The following STX11 variants were observed in gnomAD, a reference collection of about 807,000 sequenced individuals.
STX11 encodes syntaxin-11.
STX11 carries 21 observed loss-of-function variants against 19.9 expected under a neutral mutation model. The observed-to-expected ratio is 1.06, with a 90% confidence interval of 0.75 to 1.52. The LOEUF (loss-of-function observed/expected upper bound fraction) is 1.52, where lower values mean the gene tolerates loss of function less well. Ranked by LOEUF, STX11 falls within the 40% of genes most tolerant of loss-of-function variation. STX11 has a pLI of 0.00. For synonymous variants in STX11, 193 were observed against 174.4 expected, an observed-to-expected ratio of 1.11 and a Z score of -0.84; for missense variants, 438 against 405.9, an observed-to-expected ratio of 1.08 and a Z score of -0.68.
In STX11 at chr6:144,165,374, G is replaced by T. The variant is rs1045146630; in HGVS notation, c.-6+14671G>T. Among the ~76,000 whole-genome samples, 1 of 151,978 alleles carries T rather than the reference G, an allele frequency of 6.6e-6. No individual in the cohort carries two copies. Among genetic ancestry groups the T allele is most frequent in the African/African-American group, 2.4e-5 (1 of 41,360 alleles). On this transcript the variant is annotated intron_variant, in intron 1 of 1. Coordinates refer to ENST00000367568, the MANE Select transcript of STX11 (RefSeq NM_003764.4). The surrounding 1 kb of genome is among the most constrained non-coding windows in gnomAD (Gnocchi z 5.8). ...GGAGACTGAGGCAGGAGAATTGCTT[G>T]AACCCGGGAGGCGGAGGTTGCGGTG...
chr6:144,187,475 G>A lies in STX11; in HGVS notation c.848G>A (p.Cys283Tyr), dbSNP rs368785992. The A allele has an allele frequency of 6.2e-7, 1 of 1,612,384 alleles. No homozygotes were observed. Among genetic ancestry groups the A allele is most frequent in the Non-Finnish European group, 8.5e-7 (1 of 1,179,958 alleles). Residue 283 changes from cysteine to tyrosine, a missense_variant, in exon 2 of 2, where the codon TGT becomes TAT. Coordinates refer to ENST00000367568, the MANE Select transcript of STX11 (RefSeq NM_003764.4). This position sits in a 1 kb window ranked among gnomAD's most constrained non-coding sequence, Gnocchi z 5.6. The stretch of plus-strand genomic sequence containing the variant: ...TGCCGGACCCTCTGCTGCTTCTGCT[G>A]TCCCTGCCTCAAGTAGCAGGCCGGC... ...NPCRTLCCFC[C>Y]PCLK
the STX11 span, among the ~76,000 whole-genome samples, chr6:144,141,529 T>C: frequency 6.6e-6 from 1 of 152,108 alleles, no homozygotes; most frequent in African/African-American, 2.4e-5. Flanking sequence ...TCTGTGAGAG[T>C]TATCTGTTGC....
rs886061143 is a variant in STX11 at position 144,188,191 on chromosome 6, C to T, written c.*700C>T. ...CGAACAAGCACTCAAATTGAAGTAT[C>T]AGTCATGTTTTGTGTATTTTTCGCT... On this transcript the variant is annotated 3_prime_UTR_variant, in exon 2 of 2. Coordinates refer to ENST00000367568, the MANE Select transcript of STX11 (RefSeq NM_003764.4). The T allele has an allele frequency of 4.2e-6, 1 of 236,986 alleles. No homozygotes were observed. The highest frequency in any genetic ancestry group is 9.0e-6 in the Non-Finnish European group (1 of 111,676). The allele number at this position is 236,986 out of a possible 1,614,324, so 14.7% of individuals were successfully genotyped here. A position where few individuals can be genotyped will look rare whatever the true frequency, so the allele number is the denominator to read the frequency against.
Position 144,175,911 on chromosome 6 carries a change from T to C in STX11, c.-5-10712T>C, listed in dbSNP as rs766502160. 1.1e-4 allele frequency among the ~76,000 whole-genome samples: 16 copies of C among 152,202 alleles called. No individual in the cohort carries two copies. The highest frequency in any genetic ancestry group is 3.6e-4 in the African/African-American group (15 of 41,444). Reference sequence around the variant, plus strand: ...GATGTGGCTTACATCTGTGGGACTGTGCATTCTGATCTTGAAGCCAGCATT... The same window carrying C: ...GATGTGGCTTACATCTGTGGGACTGCGCATTCTGATCTTGAAGCCAGCATT... On this transcript the variant is annotated intron_variant, in intron 1 of 1. Coordinates refer to ENST00000367568, the MANE Select transcript of STX11 (RefSeq NM_003764.4). The surrounding 1 kb of genome is among the most constrained non-coding windows in gnomAD (Gnocchi z 5.1).
chr6:144,187,626 C>T lies in STX11; in HGVS notation c.*135C>T, dbSNP rs1584064314. ...AACTCAGTCTTTAGAAAAGAAACGC[C>T]AGGTTCAAGAATTGCAAACCAGCCT... On this transcript the variant is annotated 3_prime_UTR_variant, in exon 2 of 2. Coordinates refer to ENST00000367568, the MANE Select transcript of STX11 (RefSeq NM_003764.4). The surrounding 1 kb of genome is among the most constrained non-coding windows in gnomAD (Gnocchi z 5.6). 4.9e-6 allele frequency: 6 copies of T among 1,231,442 alleles called. No individual in the cohort carries two copies. In the East Asian group the frequency reaches 1.3e-4, roughly 26 times the overall value. The allele number at this position is 1,231,442 out of a possible 1,614,324, so 76.3% of individuals were successfully genotyped here. A position where few individuals can be genotyped will look rare whatever the true frequency, so the allele number is the denominator to read the frequency against.
At position 144,184,939 on chromosome 6, in the gene STX11, T is replaced by A. The variant is rs916253259; in HGVS notation, c.-5-1684T>A. ...GTTGGTGGTTTGTCTTTCAATTTTG[T>A]TCAAAGTGAGGAAACAGTTGAATAT... is the stretch of plus-strand genomic sequence containing the variant. On this transcript the variant is annotated intron_variant, in intron 1 of 1. Transcript: ENST00000367568. This position sits in a 1 kb window ranked among gnomAD's most constrained non-coding sequence, Gnocchi z 6.5. Among the ~76,000 whole-genome samples, 1 of 152,200 alleles carries A rather than the reference T, an allele frequency of 6.6e-6. No homozygotes were observed. The highest frequency in any genetic ancestry group is 2.4e-5 in the African/African-American group (1 of 41,458).
rs1801719329 is a variant in STX11 at position 144,174,299 on chromosome 6, A to G, written c.-5-12324A>G. On this transcript the variant is annotated intron_variant, in intron 1 of 1. Transcript: ENST00000367568. This position sits in a 1 kb window ranked among gnomAD's most constrained non-coding sequence, Gnocchi z 5.3. ...AGTCTCATAGCCACCCTCAGACTCAAGGAGTTGAGAAATAGTCTGTACCTC... is the reference window on the plus strand; with the variant it reads ...AGTCTCATAGCCACCCTCAGACTCAGGGAGTTGAGAAATAGTCTGTACCTC... 1.3e-5 allele frequency among the ~76,000 whole-genome samples: 2 copies of G among 152,234 alleles called. No individual in the cohort carries two copies. Among genetic ancestry groups the G allele is most frequent in the Non-Finnish European group, 2.9e-5 (2 of 68,036 alleles).
rs962855489 is a variant in STX11 at position 144,182,009 on chromosome 6, T to G, written c.-5-4614T>G. On this transcript the variant is annotated intron_variant, in intron 1 of 1. Transcript: ENST00000367568. This position sits in a 1 kb window ranked among gnomAD's most constrained non-coding sequence, Gnocchi z 4.8. ...ACCTCCATGCAAATTGAAGCAGGACTTATTTTTAGCAACTTGATGAATGCA... is the reference window on the plus strand; with the variant it reads ...ACCTCCATGCAAATTGAAGCAGGACGTATTTTTAGCAACTTGATGAATGCA... Among the ~76,000 whole-genome samples, 22 of 152,256 alleles carry G rather than the reference T, an allele frequency of 1.4e-4. No individual in the cohort carries two copies. Among genetic ancestry groups the G allele is most frequent in the Admixed American group, 1.4e-3 (21 of 15,290 alleles).
At chr6:144,186,506 C>A in intron 1 of STX11, 117 bp from the exon 2 acceptor site, 1 of 1,295,598 alleles carries the variant, frequency 7.7e-7, no homozygotes, top group Non-Finnish European at 1.1e-6. Flanking sequence ...GCACTTATTG[C>A]CCACACCGAG....
At chr6:144,178,537 G>A (rs1801829235) in intron 1 of STX11, among the ~76,000 whole-genome samples, 1 of 152,146 alleles carries the variant, frequency 6.6e-6, no homozygotes, top group East Asian at 1.9e-4. Flanking sequence ...TCACACACTG[G>A]CAGAAAATTC....
rs1802101981 is a variant in STX11, at chr6:144,187,801, A to C, written c.*310A>C. On this transcript the variant is annotated 3_prime_UTR_variant, in exon 2 of 2. Transcript: ENST00000367568. This position sits in a 1 kb window ranked among gnomAD's most constrained non-coding sequence, Gnocchi z 5.6. Reference sequence around the variant, plus strand: ...AGGAACTGAAGTTGTATCTGACTGTAGGGTGAATGTCTGAGGCCTGCCTCC... The same window carrying C: ...AGGAACTGAAGTTGTATCTGACTGTCGGGTGAATGTCTGAGGCCTGCCTCC... The C allele has an allele frequency of 2.0e-6, 1 of 498,904 alleles. No homozygotes were observed. Among genetic ancestry groups the C allele is most frequent in the Admixed American group, 3.6e-5 (1 of 27,728 alleles). 30.9% of individuals were successfully genotyped at this position (498,904 alleles called of 1,614,324 possible). A position where few individuals can be genotyped will look rare whatever the true frequency, so the allele number is the denominator to read the frequency against.
Position 144,151,149 on chromosome 6 carries a change from C to T in STX11, c.-6+446C>T. 1.3e-6 allele frequency: 1 copy of T among 764,688 alleles called. No individual in the cohort carries two copies. The highest frequency in any genetic ancestry group is 1.6e-6 in the Non-Finnish European group (1 of 628,474). The allele number at this position is 764,688 out of a possible 1,614,324, so 47.4% of individuals were successfully genotyped here. ...TGGGTACTTCTTGACTTGAACTTGG[C>T]GGTGTCACTCAGTAGCCAGGAAAGA... is the stretch of plus-strand genomic sequence containing the variant. On this transcript the variant is annotated intron_variant, in intron 1 of 1. Coordinates refer to ENST00000367568, the MANE Select transcript of STX11 (RefSeq NM_003764.4). This position sits in a 1 kb window ranked among gnomAD's most constrained non-coding sequence, Gnocchi z 4.6.
At chr6:144,161,413 G>A (rs185418446) in intron 1 of STX11, among the ~76,000 whole-genome samples, 4 of 151,634 alleles carry the variant, frequency 2.6e-5, no homozygotes, top group Non-Finnish European at 4.4e-5. Context: ...TGTCGCCCAC[G>A]CTGGAGTGCA....
rs1199537372 is a variant in STX11 at position 144,152,733 on chromosome 6, A to C, written c.-6+2030A>C. ...ACTGCAACCTCCACCTCCTGCGTTTAAGCAATTCTTGTGCTTCAGCGTCCC... is the reference window on the plus strand; with the variant it reads ...ACTGCAACCTCCACCTCCTGCGTTTCAGCAATTCTTGTGCTTCAGCGTCCC... On this transcript the variant is annotated intron_variant, in intron 1 of 1. Transcript: ENST00000367568. This position sits in a 1 kb window ranked among gnomAD's most constrained non-coding sequence, Gnocchi z 4.9. Among the ~76,000 whole-genome samples, 6 of 152,150 alleles carry C rather than the reference A, an allele frequency of 3.9e-5. No homozygotes were observed. Among genetic ancestry groups the C allele is most frequent in the Admixed American group, 3.9e-4 (6 of 15,290 alleles).
At chr6:144,158,253 G>A (rs987135711) in intron 1 of STX11, among the ~76,000 whole-genome samples, 1 of 152,188 alleles carries the variant, frequency 6.6e-6, no homozygotes, top group African/African-American at 2.4e-5. Flanking sequence ...GTCCCAGCAG[G>A]CCTGGTATAG....
chr6:144,181,377 C>G (rs1231512700), intron 1 of STX11, among the ~76,000 whole-genome samples: 1 of 151,914 alleles, frequency 6.6e-6, no homozygotes, highest in Non-Finnish European at 1.5e-5. Context: ...GGTGGATCAC[C>G]TGAGATCAAG....
rs1019423143 is a variant in STX11 at position 144,184,833 on chromosome 6, A to G, written c.-5-1790A>G. On this transcript the variant is annotated intron_variant, in intron 1 of 1. Transcript: ENST00000367568. The surrounding 1 kb of genome is among the most constrained non-coding windows in gnomAD (Gnocchi z 6.5). The stretch of plus-strand genomic sequence containing the variant: ...CTGAATTGCTTCACTGTCTTTGGGT[A>G]AGTAGATTTTTTGGTAGCTTAGAAA... Among the ~76,000 whole-genome samples, 6 of 152,196 alleles carry G rather than the reference A, an allele frequency of 3.9e-5. No homozygotes were observed. The highest frequency in any genetic ancestry group is 1.3e-4 in the Admixed American group (2 of 15,278).
At chr6:144,163,820 G>A (rs1801408504) in intron 1 of STX11, among the ~76,000 whole-genome samples, 1 of 152,008 alleles carries the variant, frequency 6.6e-6, no homozygotes, top group African/African-American at 2.4e-5. Flanking sequence ...GTGGCACATG[G>A]CTTGTAGTCC....
chr6:144,140,239 TATATATATATATATA>T, the STX11 span, among the ~76,000 whole-genome samples: 12 of 49,102 alleles, frequency 2.4e-4, no homozygotes, highest in South Asian at 1.4e-3. Flanking sequence ...TATATATATA[TATATATATATATATA>T]TTTATTTATT....
Sources: allele counts gnomAD v4.1 joint callset (sites outside exome capture counted in the v4.1 genomes callset), GRCh38; gene constraint gnomAD v4.1.1; non-coding constraint Gnocchi (gnomAD v3.1); transcripts MANE v1.5; gene names NCBI Gene and HGNC (gene_info 2026-07-23, HGNC 2026-07-21).